WWOX: variants seen among roughly 807,000 people sequenced by gnomAD.
WWOX encodes WW domain-containing oxidoreductase.
Under a neutral mutation model 46.2 loss-of-function variants are expected in WWOX, and 69 were observed. The ratio of observed to expected loss-of-function variants is 1.49; its 90% CI spans 1.23 to 1.82. The LOEUF (loss-of-function observed/expected upper bound fraction) is 1.82, where lower values mean the gene tolerates loss of function less well. Among genes scored for constraint, WWOX ranks in the 40% most tolerant of loss-of-function variants. WWOX has a pLI of 0.00. For missense variants in WWOX, 919 were observed against 542.6 expected (o/e 1.69, Z -6.89); for synonymous variants, 359 against 202.6 (o/e 1.77, Z -6.56).
At chr16:79,063,135 C>G (rs533200148) in intron 8 of WWOX, among the ~76,000 whole-genome samples, 1 of 152,214 alleles carries the variant, frequency 6.6e-6, no homozygotes, top group African/African-American at 2.4e-5. Context: ...TATTTCCCCA[C>G]TTCTGCTGAA....
intron 3 of WWOX, among the ~76,000 whole-genome samples, chr16:78,112,722 G>C (rs1363513917): frequency 7.9e-6 from 1 of 126,442 alleles, no homozygotes; most frequent in Non-Finnish European, 1.6e-5. Flanking sequence ...TTTTTATACT[G>C]GGTCTTGCTC....
At chr16:78,778,428 C>T (rs941921764) in intron 8 of WWOX, among the ~76,000 whole-genome samples, 1 of 152,164 alleles carries the variant, frequency 6.6e-6, no homozygotes, top group African/African-American at 2.4e-5. Context: ...AATGTCGGAC[C>T]TCAGTATGAT....
At chr16:78,228,965 G>A (rs2151805161) in intron 5 of WWOX, among the ~76,000 whole-genome samples, 1 of 152,278 alleles carries the variant, frequency 6.6e-6, no homozygotes, top group East Asian at 1.9e-4. Context: ...TCCACTTGAT[G>A]TGTACTTACT....
intron 8 of WWOX, among the ~76,000 whole-genome samples, chr16:78,814,836 C>T (rs1273626952): frequency 6.6e-6 from 1 of 152,222 alleles, no homozygotes; most frequent in African/African-American, 2.4e-5. Flanking sequence ...GTCATCTGCC[C>T]TTGCAAAACC....
intron 8 of WWOX, among the ~76,000 whole-genome samples, chr16:78,761,636 C>G (rs1343734810): frequency 6.6e-6 from 1 of 152,054 alleles, no homozygotes; most frequent in South Asian, 2.1e-4. Context: ...TGTTTGGGTT[C>G]TTTGTGACAT....
intron 8 of WWOX, among the ~76,000 whole-genome samples, chr16:78,741,270 C>G (rs1398110322): frequency 1.3e-5 from 2 of 152,146 alleles, no homozygotes; most frequent in Admixed American, 6.5e-5. Flanking sequence ...AATAAAATTG[C>G]AGGATGCTGG....
chr16:78,481,764 T>TGTGTGTGCGC (rs149940474), intron 8 of WWOX, among the ~76,000 whole-genome samples: 84 of 147,926 alleles, frequency 5.7e-4, no homozygotes, highest in Admixed American at 9.4e-4. Context: ...TGTGTGTGTG[T>TGTGTGTGCGC]GCGCGCGCCT....
At chr16:78,467,011 A>G (rs1407884951) in intron 8 of WWOX, among the ~76,000 whole-genome samples, 1 of 152,200 alleles carries the variant, frequency 6.6e-6, no homozygotes, top group East Asian at 1.9e-4. Context: ...TCACAGAGCC[A>G]TGGGGACACT....
rs1412685291 is a variant in WWOX at position 78,959,468 on chromosome 16, C to G, written c.1057-252140C>G. Among the ~76,000 whole-genome samples the G allele has an allele frequency of 3.3e-5, 5 of 152,194 alleles. No homozygotes were observed. In the South Asian group the frequency reaches 1.0e-3, roughly 32 times the overall value. ...ATTCAGGTATGATAATAAAAACCTT[C>G]ACAGGGTTAGCCATCCATCTATCTG... On this transcript the variant is annotated intron_variant, in intron 8 of 8. Transcript: ENST00000566780.
intron 8 of WWOX, among the ~76,000 whole-genome samples, chr16:78,605,735 G>C (rs748685390): frequency 6.6e-6 from 1 of 152,160 alleles, no homozygotes; most frequent in Admixed American, 6.5e-5. Context: ...AAAATAGCCA[G>C]TTATCTTTGC....
chr16:78,992,738 C>G (rs550841813), intron 8 of WWOX, among the ~76,000 whole-genome samples: 3 of 152,084 alleles, frequency 2.0e-5, no homozygotes, highest in Non-Finnish European at 2.9e-5. Flanking sequence ...AAGAGGAAAT[C>G]GCCTGCCAGG....
At chr16:78,227,413 TAAAG>T (rs961970304) in intron 5 of WWOX, among the ~76,000 whole-genome samples, 37 of 152,302 alleles carry the variant, frequency 2.4e-4, no homozygotes, top group African/African-American at 7.7e-4. Flanking sequence ...ACCGAGGGAA[TAAAG>T]AATGTTTTCA....
At chr16:78,487,817 C>G (rs987886252) in intron 8 of WWOX, among the ~76,000 whole-genome samples, 2 of 152,092 alleles carry the variant, frequency 1.3e-5, no homozygotes, top group Non-Finnish European at 2.9e-5. Flanking sequence ...GTTTTTAGCC[C>G]TCCTTTTCTC....
intron 8 of WWOX, among the ~76,000 whole-genome samples, chr16:79,005,382 A>T (rs1369604660): frequency 6.6e-6 from 1 of 152,182 alleles, no homozygotes; most frequent in African/African-American, 2.4e-5. Flanking sequence ...GCCAAGGATG[A>T]TGGCATAGCA....
At chr16:78,375,339 T>C (rs904283772) in intron 5 of WWOX, among the ~76,000 whole-genome samples, 17 of 152,366 alleles carry the variant, frequency 1.1e-4, no homozygotes, top group African/African-American at 3.8e-4. Context: ...TGCCTGAGTT[T>C]CCAAATGGCT....
intron 4 of WWOX, among the ~76,000 whole-genome samples, chr16:78,148,790 C>T (rs534503066): frequency 4.1e-5 from 6 of 146,016 alleles, no homozygotes; most frequent in African/African-American, 1.0e-4. Flanking sequence ...CCCAGCTACT[C>T]GGGAGGCTGA....
At chr16:78,786,603 C>CT (rs1200782912) in intron 8 of WWOX, among the ~76,000 whole-genome samples, 1 of 152,030 alleles carries the variant, frequency 6.6e-6, no homozygotes, top group Non-Finnish European at 1.5e-5. Flanking sequence ...TAACATTCAA[C>CT]TTTTTTTAGT....
At chr16:78,740,920 AAG>A (rs1177456153) in intron 8 of WWOX, among the ~76,000 whole-genome samples, 3 of 152,144 alleles carry the variant, frequency 2.0e-5, no homozygotes, top group Non-Finnish European at 2.9e-5. Flanking sequence ...CAGAAAAAAT[AAG>A]AGTTTATTTT....
chr16:78,229,513 G>GAGAT (rs1555506147), intron 5 of WWOX, among the ~76,000 whole-genome samples: 1 of 116,838 alleles, frequency 8.6e-6, no homozygotes, highest in African/African-American at 3.3e-5. Context: ...TATCTATATA[G>GAGAT]AGATATATAT....
Sources: allele counts gnomAD v4.1 joint callset (sites outside exome capture counted in the v4.1 genomes callset), GRCh38; gene constraint gnomAD v4.1.1; transcripts MANE v1.5; gene names NCBI Gene and HGNC (gene_info 2026-07-23, HGNC 2026-07-21).